Variants in CLVS1 observed in about 807,000 individuals in gnomAD.
CLVS1 encodes the protein clavesin 1.
In CLVS1, 10 loss-of-function variants were observed where a neutral mutation model predicts 33.1. The ratio of observed to expected loss-of-function variants is 0.30; its 90% CI spans 0.19 to 0.51. The LOEUF (loss-of-function observed/expected upper bound fraction) is 0.51. Among genes scored for constraint, CLVS1 ranks in the 20% least tolerant of loss-of-function variants. The probability of loss-of-function intolerance (pLI) is 0.97; values close to 1 mark genes in which losing one functional copy is unlikely to be tolerated. For synonymous variants in CLVS1, 163 were observed against 166.1 expected (o/e 0.98, Z 0.14); for missense variants, 343 against 433.4 (o/e 0.79, Z 1.85).
At chr8:61,415,677 C>T (rs1175197006) in intron 3 of CLVS1, among the ~76,000 whole-genome samples, 4 of 151,928 alleles carry the variant, frequency 2.6e-5, no homozygotes, top group Admixed American at 6.5e-5. Flanking sequence ...CCACGGGTGC[C>T]GGTAAATGCT....
intron 1 of CLVS1, among the ~76,000 whole-genome samples, chr8:61,088,517 A>G (rs995617680): frequency 6.0e-5 from 9 of 150,972 alleles, no homozygotes; most frequent in Non-Finnish European, 1.3e-4. Flanking sequence ...GGAGCAATGT[A>G]ATTATCAATT....
intron 2 of CLVS1, among the ~76,000 whole-genome samples, chr8:61,332,326 G>A (rs544962806): frequency 2.8e-4 from 43 of 152,246 alleles, no homozygotes; most frequent in African/African-American, 1.0e-3. Flanking sequence ...GGATCTGGGT[G>A]TTGCGCTGCT....
chr8:61,345,621 G>GATGTGTGT (rs36068150), intron 2 of CLVS1, among the ~76,000 whole-genome samples: 1 of 148,688 alleles, frequency 6.7e-6, no homozygotes, highest in African/African-American at 2.5e-5. Flanking sequence ...AGCCTCTAGG[G>GATGTGTGT]GTGTGTGTGT....
chr8:61,390,287 C>T (rs1298179717), intron 3 of CLVS1, among the ~76,000 whole-genome samples: 1 of 152,174 alleles, frequency 6.6e-6, no homozygotes, highest in Non-Finnish European at 1.5e-5. Flanking sequence ...TCATTGTTTA[C>T]AACGACTACA....
At chr8:61,309,601 C>T (rs760743156) in intron 2 of CLVS1, among the ~76,000 whole-genome samples, 73 of 152,210 alleles carry the variant, frequency 4.8e-4, no homozygotes, top group Non-Finnish European at 9.0e-4. Flanking sequence ...AGGTGCTTTT[C>T]CACTTGCCCT....
chr8:61,416,867 C>T (rs1051402301), intron 3 of CLVS1, among the ~76,000 whole-genome samples: 29 of 152,072 alleles, frequency 1.9e-4, no homozygotes, highest in African/African-American at 6.8e-4. Flanking sequence ...GAAATTTAGT[C>T]TTGTGAGATG....
chr8:61,190,390 T>G (rs1007775838), intron 2 of CLVS1, among the ~76,000 whole-genome samples: 2 of 152,128 alleles, frequency 1.3e-5, no homozygotes, highest in Non-Finnish European at 2.9e-5. Context: ...AGAGGGAAAT[T>G]TATAGCACTA....
chr8:61,234,218 G>T (rs1204128847), intron 2 of CLVS1, among the ~76,000 whole-genome samples: 1 of 152,112 alleles, frequency 6.6e-6, no homozygotes, highest in Non-Finnish European at 1.5e-5. Flanking sequence ...AGAGAATGAG[G>T]GTGGACTGGA....
intron 2 of CLVS1, among the ~76,000 whole-genome samples, chr8:61,332,010 T>C (rs1286086797): frequency 1.3e-5 from 2 of 152,216 alleles, no homozygotes; most frequent in African/African-American, 4.8e-5. Flanking sequence ...CTGCCAACTC[T>C]TGAGGTTCAT....
intron 2 of CLVS1, among the ~76,000 whole-genome samples, chr8:61,323,921 G>T (rs1811285835): frequency 6.6e-6 from 1 of 152,052 alleles, no homozygotes; most frequent in South Asian, 2.1e-4. Context: ...GTGTTAGTTT[G>T]CCAAGGATAA....
Position 61,328,589 on chromosome 8 carries a change from C to T in CLVS1, c.455+28307C>T, listed in dbSNP as rs187978275. Among the ~76,000 whole-genome samples the T allele has an allele frequency of 5.1e-4, 78 of 152,096 alleles. 1 individual carries two copies. The highest frequency in any genetic ancestry group is 3.1e-3 in the Admixed American group (48 of 15,274). Reference sequence around the variant, plus strand: ...AAGAACTGTCATTTCTTTCTTCATTCAAAGCATCATACAAATCGATTACTT... The same window carrying T: ...AAGAACTGTCATTTCTTTCTTCATTTAAAGCATCATACAAATCGATTACTT... On this transcript the variant is annotated intron_variant, in intron 2 of 5. Transcript: ENST00000325897.
intron 2 of CLVS1, among the ~76,000 whole-genome samples, chr8:61,139,853 A>G (rs1276454358): frequency 6.6e-6 from 1 of 152,020 alleles, no homozygotes; most frequent in African/African-American, 2.4e-5. Flanking sequence ...GTGCCGTCGC[A>G]GATTCCTGGG....
At chr8:61,352,513 T>C (rs1156390830) in intron 2 of CLVS1, among the ~76,000 whole-genome samples, 1 of 152,014 alleles carries the variant, frequency 6.6e-6, no homozygotes, top group Non-Finnish European at 1.5e-5. Context: ...GCTTCAACAA[T>C]ATTTTACAAG....
intron 2 of CLVS1, among the ~76,000 whole-genome samples, chr8:61,304,902 T>C (rs1443624531): frequency 2.0e-5 from 3 of 152,218 alleles, no homozygotes; most frequent in African/African-American, 7.2e-5. Flanking sequence ...TATGGGGCTG[T>C]TGCAAGAATT....
intron 1 of CLVS1, among the ~76,000 whole-genome samples, chr8:61,063,528 C>T (rs1453864078): frequency 6.6e-6 from 1 of 151,984 alleles, no homozygotes; most frequent in African/African-American, 2.4e-5. Context: ...GGCTGGGGCA[C>T]AGGCTTCAAG....
chr8:61,271,371 T>C (rs1809434497), intron 2 of CLVS1, among the ~76,000 whole-genome samples: 1 of 150,376 alleles, frequency 6.6e-6, no homozygotes, highest in Admixed American at 6.6e-5. Flanking sequence ...TGCACTGTGG[T>C]CTGAGAGATA....
chr8:61,043,160 A>G, the CLVS1 span, among the ~76,000 whole-genome samples: 1 of 152,244 alleles, frequency 6.6e-6, no homozygotes, highest in Non-Finnish European at 1.5e-5. Flanking sequence ...CCGCAGACCA[A>G]CAGATGGTCA....
intron 2 of CLVS1, among the ~76,000 whole-genome samples, chr8:61,210,400 A>G (rs552727647): frequency 9.8e-5 from 15 of 152,336 alleles, no homozygotes; most frequent in Admixed American, 8.5e-4. Flanking sequence ...AATTTCTGTC[A>G]TTGATAAATT....
intron 3 of CLVS1, among the ~76,000 whole-genome samples, chr8:61,381,257 G>A (rs183800595): frequency 5.5e-4 from 84 of 151,812 alleles, no homozygotes; most frequent in African/African-American, 1.7e-3. Flanking sequence ...AAGGAGGTCC[G>A]TTGCTTTTCC....
Sources: gnomAD v4.1 joint callset for allele counts (sites outside exome capture counted in the v4.1 genomes callset) on GRCh38, gnomAD v4.1.1 for gene constraint, MANE v1.5 for transcripts, NCBI Gene and HGNC (gene_info 2026-07-23, HGNC 2026-07-21) for gene names.